AIM2: variants seen among roughly 807,000 people sequenced by gnomAD.
AIM2 encodes interferon-inducible protein AIM2.
AIM2 carries 30 observed loss-of-function variants against 27.7 expected under a neutral mutation model. That is an observed-to-expected ratio of 1.08 (90% CI 0.81 to 1.47). The LOEUF is 1.47. Ranked by LOEUF, AIM2 falls within the 40% of genes most tolerant of loss-of-function variation. The probability of loss-of-function intolerance (pLI) is 0.00; values close to 1 mark genes in which losing one functional copy is unlikely to be tolerated. For missense variants in AIM2, 358 were observed against 411.3 expected (o/e 0.87, Z 1.12); for synonymous variants, 141 against 145.3 (o/e 0.97, Z 0.21).
intron 1 of AIM2, among the ~76,000 whole-genome samples, chr1:159,139,311 C>T (rs1346167480): frequency 2.0e-5 from 3 of 152,202 alleles, no homozygotes; most frequent in African/African-American, 7.2e-5. Context: ...GTGGCATCTG[C>T]CCCTGCTGAT....
At chr1:159,073,152 G>A in intron 2 of AIM2, 86 bp downstream of exon 2, 1 of 1,526,070 alleles carries the variant, frequency 6.6e-7, no homozygotes, top group Non-Finnish European at 9.0e-7. Flanking sequence ...ATGTGCACTG[G>A]GGGTCATATC....
chr1:159,119,930 T>C (rs1557911671), intron 1 of AIM2, among the ~76,000 whole-genome samples: 1 of 152,128 alleles, frequency 6.6e-6, no homozygotes, highest in Admixed American at 6.6e-5. Context: ...AGAGATACAT[T>C]ATATAGATGA....
downstream of AIM2, among the ~76,000 whole-genome samples, chr1:159,061,878 A>C (rs1267508853): frequency 3.9e-5 from 6 of 152,094 alleles, no homozygotes; most frequent in East Asian, 1.2e-3. Context: ...GTGATATCTA[A>C]ATCTTTAATC....
chr1:159,118,850 G>GT (rs5778108), intron 1 of AIM2, among the ~76,000 whole-genome samples: 3 of 150,922 alleles, frequency 2.0e-5, no homozygotes, highest in Admixed American at 6.6e-5. Flanking sequence ...TGGTGTTTGT[G>GT]TTTTTTTTTC....
chr1:159,073,446 A>C lies in AIM2; in HGVS notation c.54T>G (p.Thr18=). ...ACTTAAACCTATCCAGTTCCTCATC[A>C]GTGATGTTATCCAGGCCTGTTAGCA... ...ILLLTGLDNI[T]DEELDRFKFF... The change falls in exon 2 of 6, where the codon ACT becomes ACG. Residue 18 remains threonine (T), a synonymous_variant. Coordinates refer to ENST00000368130, the MANE Select transcript of AIM2 (RefSeq NM_004833.3). 6.2e-7 allele frequency: 1 copy of C among 1,614,146 alleles called. No homozygotes were observed. Among genetic ancestry groups the C allele is most frequent in the Middle Eastern group, 1.6e-4 (1 of 6,062 alleles).
At chr1:159,069,418 A>G (rs1221358685) in intron 2 of AIM2, among the ~76,000 whole-genome samples, 1 of 152,128 alleles carries the variant, frequency 6.6e-6, no homozygotes, top group Non-Finnish European at 1.5e-5. Context: ...CAATAAAAAT[A>G]CACCAATTCT....
chr1:159,091,897 A>AC (rs1657052866), intron 1 of AIM2, among the ~76,000 whole-genome samples: 1 of 152,230 alleles, frequency 6.6e-6, no homozygotes, highest in Non-Finnish European at 1.5e-5. Context: ...GATACACAAA[A>AC]CAGAAAGTAA....
chr1:159,063,030 G>GGGTA (rs1324887102), intron 5 of AIM2, among the ~76,000 whole-genome samples: 3 of 152,150 alleles, frequency 2.0e-5, no homozygotes, highest in African/African-American at 4.8e-5. Flanking sequence ...GGCAGGACAC[G>GGGTA]GGTAGGAGGG....
upstream of AIM2, among the ~76,000 whole-genome samples, chr1:159,141,676 C>T (rs1266165003): frequency 6.6e-6 from 1 of 152,120 alleles, no homozygotes. Flanking sequence ...TCCATTGCGC[C>T]ACAGAGACCT....
chr1:159,080,899 A>C (rs1314907293), upstream of AIM2, among the ~76,000 whole-genome samples: 1 of 152,160 alleles, frequency 6.6e-6, no homozygotes, highest in Non-Finnish European at 1.5e-5. Context: ...AGTGATTCCC[A>C]TGAGTTCAAA....
At chr1:159,057,093 G>A in the AIM2 span, among the ~76,000 whole-genome samples, 10 of 152,156 alleles carry the variant, frequency 6.6e-5, no homozygotes, top group Non-Finnish European at 1.5e-4. Flanking sequence ...AGAAGGAAGA[G>A]CATCCTCTTT....
intron 1 of AIM2, among the ~76,000 whole-genome samples, chr1:159,092,743 G>A (rs947242922): frequency 2.2e-4 from 34 of 152,182 alleles, no homozygotes; most frequent in Non-Finnish European, 1.0e-4. Context: ...GATCCCAGGG[G>A]CTGGACACAC....
chr1:159,056,717 CAAAAAAAAAAAAAAAA>C, the AIM2 span, among the ~76,000 whole-genome samples: 14 of 44,186 alleles, frequency 3.2e-4, no homozygotes, highest in East Asian at 1.2e-3. Context: ...GCCCAACCGG[CAAAAAAAAAAAAAAAA>C]AAAAAAAAAA....
At chr1:159,075,336 C>A (rs528163093) in intron 1 of AIM2, among the ~76,000 whole-genome samples, 18 of 151,860 alleles carry the variant, frequency 1.2e-4, no homozygotes, top group African/African-American at 4.1e-4. Flanking sequence ...TTGAATAAAA[C>A]ACAGAATTTC....
At chr1:159,074,887 G>C (rs755903147) in intron 1 of AIM2, among the ~76,000 whole-genome samples, 2 of 152,118 alleles carry the variant, frequency 1.3e-5, no homozygotes, top group Non-Finnish European at 2.9e-5. Context: ...GAAGACAGCA[G>C]TGTTGTCAAA....
chr1:159,135,636 T>G (rs945630255), intron 1 of AIM2, among the ~76,000 whole-genome samples: 9 of 152,208 alleles, frequency 5.9e-5, no homozygotes, highest in Non-Finnish European at 1.3e-4. Flanking sequence ...TTTTTTAAGT[T>G]TCATGCTCCC....
intron 1 of AIM2, among the ~76,000 whole-genome samples, chr1:159,131,571 G>A (rs897334785): frequency 5.3e-5 from 8 of 152,120 alleles, no homozygotes; most frequent in African/African-American, 1.4e-4. Flanking sequence ...ACTATACTCA[G>A]GTTAAGACAA....
At chr1:159,138,199 C>T (rs950272876) in intron 1 of AIM2, among the ~76,000 whole-genome samples, 2 of 152,148 alleles carry the variant, frequency 1.3e-5, no homozygotes, top group African/African-American at 2.4e-5. Context: ...AGAACATTGT[C>T]CTAGATGGTG....
chr1:159,073,417 A>G lies in AIM2; in HGVS notation c.83T>C (p.Phe28Ser), dbSNP rs1210686306. The G allele has an allele frequency of 3.1e-6, 5 of 1,614,044 alleles. No individual in the cohort carries two copies. The highest frequency in any genetic ancestry group is 4.2e-6 in the Non-Finnish European group (5 of 1,180,032). ...GGCAATATTAAACTCGTCTGAAAGA[A>G]AGAACTTAAACCTATCCAGTTCCTC... ...TDEELDRFKFFLSDEFNIATG... is the reference protein window; with the variant it reads ...TDEELDRFKFSLSDEFNIATG... The change falls in exon 2 of 6, where the codon TTT becomes TCT. Residue 28 changes from phenylalanine (F) to serine (S), a missense_variant. Physicochemically the swap from Phe to Ser is radical, Grantham distance 155 (BLOSUM62 -2). Coordinates refer to ENST00000368130, the MANE Select transcript of AIM2 (RefSeq NM_004833.3).
Sources: allele counts gnomAD v4.1 joint callset (sites outside exome capture counted in the v4.1 genomes callset), GRCh38; gene constraint gnomAD v4.1.1; transcripts MANE v1.5; gene names NCBI Gene and HGNC (gene_info 2026-07-23, HGNC 2026-07-21).